Variants in ZBTB7C observed in about 807,000 individuals in gnomAD.
The protein encoded by ZBTB7C is zinc finger and BTB domain-containing protein 7C.
Under a neutral mutation model 25.7 loss-of-function variants are expected in ZBTB7C, and 8 were observed. That is an observed-to-expected ratio of 0.31 (90% CI 0.18 to 0.56). The LOEUF (loss-of-function observed/expected upper bound fraction) is 0.56. Among genes scored for constraint, ZBTB7C ranks in the 20% least tolerant of loss-of-function variants. The pLI is 0.91. For synonymous variants in ZBTB7C, 394 were observed against 369.0 expected, an observed-to-expected ratio of 1.07 and a Z score of -0.78; for missense variants, 824 against 855.2, an observed-to-expected ratio of 0.96 and a Z score of 0.46.
At chr18:48,316,103 C>T (rs550016747) in intron 2 of ZBTB7C, among the ~76,000 whole-genome samples, 31 of 152,244 alleles carry the variant, frequency 2.0e-4, no homozygotes, top group African/African-American at 7.5e-4. Flanking sequence ...CCTGGACACC[C>T]GGCTCCTGCT....
chr18:48,104,321 T>C (rs1456050539), intron 3 of ZBTB7C, among the ~76,000 whole-genome samples: 4 of 152,110 alleles, frequency 2.6e-5, no homozygotes, highest in African/African-American at 9.7e-5. Context: ...CCTGCTTCCT[T>C]CCTCTCATGA....
chr18:48,033,419 G>GAACAATC (rs1324596732), intron 4 of ZBTB7C, among the ~76,000 whole-genome samples: 5 of 152,218 alleles, frequency 3.3e-5, no homozygotes, highest in African/African-American at 1.2e-4. Flanking sequence ...GGGCAGACCA[G>GAACAATC]AACAATCAAG....
intron 3 of ZBTB7C, among the ~76,000 whole-genome samples, chr18:48,091,822 T>A (rs1443014378): frequency 6.6e-6 from 1 of 152,154 alleles, no homozygotes; most frequent in Admixed American, 6.5e-5. Context: ...ACTTCATCAT[T>A]GTCCAATGAT....
chr18:48,113,015 T>C (rs538464204), intron 3 of ZBTB7C, among the ~76,000 whole-genome samples: 3 of 152,222 alleles, frequency 2.0e-5, no homozygotes, highest in East Asian at 1.9e-4. Context: ...CCAACACATA[T>C]GGTGTGGAGA....
chr18:48,079,856 G>A (rs1277685374), intron 3 of ZBTB7C, among the ~76,000 whole-genome samples: 2 of 152,204 alleles, frequency 1.3e-5, no homozygotes, highest in Non-Finnish European at 1.5e-5. Context: ...CACTTCCAGG[G>A]GGACCGAGCA....
intron 3 of ZBTB7C, among the ~76,000 whole-genome samples, chr18:48,158,609 G>T (rs77866508): frequency 0.018 from 2,797 of 152,280 alleles, 82 homozygotes; most frequent in African/African-American, 0.065. Context: ...GCAGAATTCT[G>T]AATGGCTCTC....
At chr18:48,167,261 C>T (rs1599013590) in intron 3 of ZBTB7C, among the ~76,000 whole-genome samples, 1 of 152,342 alleles carries the variant, frequency 6.6e-6, no homozygotes, top group African/African-American at 2.4e-5. Context: ...CTGCCCCTCC[C>T]ACAGGCCCCA....
chr18:48,048,489 C>T (rs1189968370), intron 3 of ZBTB7C, among the ~76,000 whole-genome samples: 2 of 152,184 alleles, frequency 1.3e-5, no homozygotes, highest in East Asian at 1.9e-4. Flanking sequence ...CTGACATCTT[C>T]GCTTCACCAC....
chr18:48,371,639 C>A (rs563630133), intron 1 of ZBTB7C, among the ~76,000 whole-genome samples: 10 of 152,304 alleles, frequency 6.6e-5, no homozygotes, highest in Admixed American at 3.9e-4. Flanking sequence ...AGGGGCAGAG[C>A]TCAGTGAGAG....
intron 2 of ZBTB7C, among the ~76,000 whole-genome samples, chr18:48,309,827 C>G (rs377048818): frequency 6.6e-6 from 1 of 152,212 alleles, no homozygotes. Context: ...AGTTGGTCAA[C>G]TTCAAGCTTC....
At chr18:48,326,463 T>C (rs1481120730) in intron 2 of ZBTB7C, among the ~76,000 whole-genome samples, 1 of 152,066 alleles carries the variant, frequency 6.6e-6, no homozygotes, top group Non-Finnish European at 1.5e-5. Flanking sequence ...TACAACAAAA[T>C]AGTTCAGACT....
intron 2 of ZBTB7C, among the ~76,000 whole-genome samples, chr18:48,273,688 G>T (rs1286231229): frequency 6.6e-6 from 1 of 151,972 alleles, no homozygotes. Flanking sequence ...GAAACGTTAA[G>T]ATTGATTAAT....
chr18:48,156,397 C>T (rs1236380519), intron 3 of ZBTB7C, among the ~76,000 whole-genome samples: 1 of 152,176 alleles, frequency 6.6e-6, no homozygotes, highest in Non-Finnish European at 1.5e-5. Context: ...TTTGAGGCAT[C>T]AGTTTTCCAG....
chr18:48,346,946 G>A (rs1177938689), intron 1 of ZBTB7C, among the ~76,000 whole-genome samples: 1 of 149,976 alleles, frequency 6.7e-6, no homozygotes, highest in African/African-American at 2.5e-5. Flanking sequence ...CACCACACCT[G>A]GCTAATTTTT....
At chr18:48,175,535 G>T (rs2041642261) in intron 3 of ZBTB7C, among the ~76,000 whole-genome samples, 1 of 152,152 alleles carries the variant, frequency 6.6e-6, no homozygotes, top group Non-Finnish European at 1.5e-5. Flanking sequence ...ATAGTACATG[G>T]ATGTATAGGT....
chr18:48,298,111 G>A (rs146702546), intron 2 of ZBTB7C, among the ~76,000 whole-genome samples: 1,591 of 151,896 alleles, frequency 0.01, 30 homozygotes, highest in African/African-American at 0.037. Context: ...AAACCCCATC[G>A]CTACTAAAAA....
At chr18:48,319,014 C>T (rs530499365) in intron 2 of ZBTB7C, among the ~76,000 whole-genome samples, 225 of 152,272 alleles carry the variant, frequency 1.5e-3, no homozygotes, top group Non-Finnish European at 2.5e-3. Flanking sequence ...CTATGGGAGA[C>T]AGAAGGATCT....
chr18:48,199,967 C>T lies in ZBTB7C; in HGVS notation c.-78-13972G>A, dbSNP rs543584322. 3.0e-3 allele frequency among the ~76,000 whole-genome samples: 448 copies of T among 149,882 alleles called. 3 individuals carry two copies. Among genetic ancestry groups the T allele is most frequent in the Non-Finnish European group, 4.1e-3 (280 of 67,740 alleles). On this transcript the variant is annotated intron_variant, in intron 2 of 4. Coordinates refer to ENST00000590800, the MANE Select transcript of ZBTB7C (RefSeq NM_001318841.2). The stretch of plus-strand genomic sequence containing the variant: ...TGACACTTCTAGCACTTCTCTACTT[C>T]GGGTGAGAATTTGAGGAAATGTATT...
chr18:48,169,584 T>C (rs1275461950), intron 3 of ZBTB7C, among the ~76,000 whole-genome samples: 2 of 152,180 alleles, frequency 1.3e-5, no homozygotes, highest in Non-Finnish European at 2.9e-5. Context: ...CCATGGGCCA[T>C]ATGACCCATT....
Sources: allele counts gnomAD v4.1 joint callset (sites outside exome capture counted in the v4.1 genomes callset), GRCh38; gene constraint gnomAD v4.1.1; transcripts MANE v1.5; gene names NCBI Gene and HGNC (gene_info 2026-07-23, HGNC 2026-07-21).